Variants in DNAJC6 observed in about 807,000 individuals in gnomAD.
DNAJC6 encodes the protein DnaJ heat shock protein family (Hsp40) member C6.
DNAJC6 carries 34 observed loss-of-function variants against 110.0 expected under a neutral mutation model. The ratio of observed to expected loss-of-function variants is 0.31; its 90% CI spans 0.24 to 0.41. The LOEUF (loss-of-function observed/expected upper bound fraction) is 0.41. Among genes scored for constraint, DNAJC6 ranks in the 10% least tolerant of loss-of-function variants. The probability of loss-of-function intolerance (pLI) is 1.00; values close to 1 mark genes in which losing one functional copy is unlikely to be tolerated. For synonymous variants in DNAJC6, 406 were observed against 437.2 expected (o/e 0.93, Z 0.89); for missense variants, 1,031 against 1,207.8 (o/e 0.85, Z 2.17).
At chr1:65,304,046 ACCTCTCCAAGTCTG>A (rs1449537216) in intron 1 of DNAJC6, among the ~76,000 whole-genome samples, 2 of 152,026 alleles carry the variant, frequency 1.3e-5, no homozygotes, top group African/African-American at 4.8e-5. Flanking sequence ...CAGTTACTTA[ACCTCTCCAAGTCTG>A]CCTCAAAATA....
intron 1 of DNAJC6, among the ~76,000 whole-genome samples, chr1:65,278,387 G>GT (rs1229151729): frequency 6.6e-6 from 1 of 152,204 alleles, no homozygotes; most frequent in Non-Finnish European, 1.5e-5. Context: ...TTGTGGAAAT[G>GT]TTTTTCACAT....
upstream of DNAJC6, among the ~76,000 whole-genome samples, chr1:65,306,204 C>T (rs1279263044): frequency 6.6e-5 from 10 of 151,708 alleles, no homozygotes; most frequent in East Asian, 5.8e-4. Context: ...CCTGCCACCA[C>T]GCCTGGTTAT....
At chr1:65,269,544 A>T (rs893506280) in intron 1 of DNAJC6, among the ~76,000 whole-genome samples, 18 of 152,306 alleles carry the variant, frequency 1.2e-4, no homozygotes, top group African/African-American at 3.6e-4. Flanking sequence ...GTGTAAAAAA[A>T]TTTTTAAAAA....
intron 1 of DNAJC6, among the ~76,000 whole-genome samples, chr1:65,283,174 G>A (rs1268265075): frequency 6.6e-6 from 1 of 152,166 alleles, no homozygotes; most frequent in Non-Finnish European, 1.5e-5. Context: ...TAGTTTATGT[G>A]TGTGTGTTTA....
chr1:65,388,865 G>C (rs1045995656), intron 9 of DNAJC6, among the ~76,000 whole-genome samples: 1 of 152,118 alleles, frequency 6.6e-6, no homozygotes, highest in African/African-American at 2.4e-5. Flanking sequence ...TGGTCTAGGT[G>C]AACGCAGTTG....
chr1:65,364,972 G>A (rs959795341), intron 2 of DNAJC6, among the ~76,000 whole-genome samples, 187 bp downstream of exon 2: 1 of 152,100 alleles, frequency 6.6e-6, no homozygotes, highest in South Asian at 2.1e-4. Context: ...CACGGGCTGG[G>A]AGGACTCAGT....
intron 4 of DNAJC6, among the ~76,000 whole-genome samples, chr1:65,377,987 C>G (rs150597747): frequency 6.6e-6 from 1 of 152,072 alleles, no homozygotes; most frequent in Admixed American, 6.6e-5. Flanking sequence ...TCAGGCTTGA[C>G]TCTTTCCTCT....
At chr1:65,356,996 A>G (rs543055914) in intron 1 of DNAJC6, among the ~76,000 whole-genome samples, 1 of 152,288 alleles carries the variant, frequency 6.6e-6, no homozygotes. Flanking sequence ...CATTTCTCTA[A>G]CTGCTGGGAG....
In DNAJC6 at chr1:65,385,643, T is replaced by C. The variant is rs1258826793; in HGVS notation, c.801-69T>C. 3.8e-6 allele frequency: 5 copies of C among 1,330,362 alleles called. No homozygotes were observed. In the African/African-American group the frequency reaches 7.2e-5, roughly 19 times the overall value. The allele number at this position is 1,330,362 out of a possible 1,614,324, so 82.4% of individuals were successfully genotyped here. A position where few individuals can be genotyped will look rare whatever the true frequency, so the allele number is the denominator to read the frequency against. ...CAGTAATTTGCAAGAAGAATCTTCATAGCAAATATTGATTGCTTGCTTCTC... is the reference window on the plus strand; with the variant it reads ...CAGTAATTTGCAAGAAGAATCTTCACAGCAAATATTGATTGCTTGCTTCTC... On this transcript the variant is annotated intron_variant, in intron 6 of 18. Transcript: ENST00000371069.
intron 1 of DNAJC6, among the ~76,000 whole-genome samples, chr1:65,293,300 T>A (rs1461695024): frequency 6.6e-6 from 1 of 152,182 alleles, no homozygotes; most frequent in Non-Finnish European, 1.5e-5. Context: ...ATGGGGTGTG[T>A]GTGAGAGAGA....
rs17127580 is a variant in DNAJC6, at chr1:65,380,861, G to A, written c.666+1337G>A. Among the ~76,000 whole-genome samples the A allele has an allele frequency of 9.8e-3, 1,489 of 151,168 alleles. 24 individuals are homozygous for A. The highest frequency in any genetic ancestry group is 0.034 in the African/African-American group (1,404 of 40,984). On this transcript the variant is annotated intron_variant, in intron 5 of 18. Coordinates refer to ENST00000371069, the MANE Select transcript of DNAJC6 (RefSeq NM_001256864.2). ...TGTTGGAAATGAATACCATGTCTTT[G>A]GGAAATGGAATTGAAGCTGGGGGAG...
chr1:65,325,373 G>C (rs1645233111), intron 1 of DNAJC6, among the ~76,000 whole-genome samples: 1 of 151,996 alleles, frequency 6.6e-6, no homozygotes, highest in South Asian at 2.1e-4. Flanking sequence ...ACTCAGATGT[G>C]GATCTCTGCT....
upstream of DNAJC6, among the ~76,000 whole-genome samples, chr1:65,307,004 CTCTCTCTCTCTCTCTATATATA>C (rs1423877308): frequency 6.9e-4 from 74 of 106,728 alleles, no homozygotes; most frequent in South Asian, 3.7e-3. Context: ...CTCTCTCTCT[CTCTCTCTCTCTCTCTATATATA>C]TATATATATA....
At chr1:65,320,021 C>G (rs936869809) in intron 1 of DNAJC6, among the ~76,000 whole-genome samples, 1 of 152,188 alleles carries the variant, frequency 6.6e-6, no homozygotes, top group East Asian at 1.9e-4. Context: ...TATGTGTACG[C>G]ATGTGACTTA....
At chr1:65,269,327 G>A (rs866413908) in intron 1 of DNAJC6, among the ~76,000 whole-genome samples, 8 of 150,212 alleles carry the variant, frequency 5.3e-5, no homozygotes, top group South Asian at 4.2e-4. Flanking sequence ...GAGATAGCAA[G>A]ACTGCACTCC....
chr1:65,384,584 T>C (rs1434752954), intron 6 of DNAJC6, among the ~76,000 whole-genome samples: 3 of 152,178 alleles, frequency 2.0e-5, no homozygotes, highest in African/African-American at 7.2e-5. Flanking sequence ...AGGCACATCT[T>C]ACATGGTGGC....
chr1:65,355,264 CAAAA>C (rs58338708), intron 1 of DNAJC6, among the ~76,000 whole-genome samples: 9 of 84,222 alleles, frequency 1.1e-4, no homozygotes, highest in Admixed American at 1.3e-4. Flanking sequence ...CACCCTGTCT[CAAAA>C]AAAAAAAAAA....
intron 4 of DNAJC6, among the ~76,000 whole-genome samples, chr1:65,370,906 G>A (rs1645699103): frequency 6.6e-6 from 1 of 152,238 alleles, no homozygotes; most frequent in South Asian, 2.1e-4. Flanking sequence ...TTGGTGGGAG[G>A]TTGGTGGGAG....
At chr1:65,384,860 A>G (rs1412100980) in intron 6 of DNAJC6, among the ~76,000 whole-genome samples, 1 of 152,230 alleles carries the variant, frequency 6.6e-6, no homozygotes, top group Non-Finnish European at 1.5e-5. Context: ...ATTGTCATTC[A>G]GTTTGTAAGC....
Sources: gnomAD v4.1 joint callset for allele counts (sites outside exome capture counted in the v4.1 genomes callset) on GRCh38, gnomAD v4.1.1 for gene constraint, MANE v1.5 for transcripts, NCBI Gene and HGNC (gene_info 2026-07-23, HGNC 2026-07-21) for gene names.